MAP2: variants seen among roughly 807,000 people sequenced by gnomAD.
MAP2 encodes microtubule associated protein 2, also known as microtubule-associated protein 2.
MAP2 carries 14 observed loss-of-function variants against 137.6 expected under a neutral mutation model. The ratio of observed to expected loss-of-function variants is 0.10; its 90% CI spans 0.07 to 0.16. The LOEUF is 0.16. MAP2 is among the 10% of genes least tolerant of loss of function. The pLI is 1.00. For synonymous variants in MAP2, 786 were observed against 782.3 expected (o/e 1.00, Z -0.08); for missense variants, 2,088 against 2,191.5 (o/e 0.95, Z 0.94).
intron 1 of MAP2, among the ~76,000 whole-genome samples, chr2:209,504,175 C>T (rs1344242947): frequency 6.6e-6 from 1 of 150,870 alleles, no homozygotes; most frequent in East Asian, 1.9e-4. Flanking sequence ...AGGAGGAACA[C>T]TGGAAGAGGG....
intron 1 of MAP2, among the ~76,000 whole-genome samples, chr2:209,482,154 G>C (rs1183814759): frequency 4.6e-5 from 7 of 152,104 alleles, no homozygotes; most frequent in Non-Finnish European, 1.0e-4. Flanking sequence ...AGTATTATTT[G>C]TAGTTCTGTT....
chr2:209,695,131 A>G lies in MAP2; in HGVS notation c.2961A>G (p.Ile987Met). 1 of 1,614,228 alleles carries G rather than the reference A, an allele frequency of 6.2e-7. No homozygotes were observed. The highest frequency in any genetic ancestry group is 8.5e-7 in the Non-Finnish European group (1 of 1,180,034). ...AKKTEEAGDEIETFGLGVTYE... is the reference protein window; with the variant it reads ...AKKTEEAGDEMETFGLGVTYE... ...AAACTGAAGAGGCTGGTGATGAAAT[A>G]GAAACATTCGGATTAGGAGTAACCT... The change falls in exon 8 of 16, where the codon ATA (isoleucine) becomes ATG (methionine). Residue 987 changes from isoleucine to methionine, a missense_variant. By Grantham distance (10) the Ile-to-Met change is conservative. This residue lies in a region of MAP2 where 500 missense variants were observed against 482.9 expected (regional missense o/e 1.04). Transcript: ENST00000682079.
chr2:209,636,444 A>C (rs997529905), intron 4 of MAP2, among the ~76,000 whole-genome samples: 4 of 152,038 alleles, frequency 2.6e-5, no homozygotes, highest in Non-Finnish European at 4.4e-5. Context: ...CCTTTTTGGC[A>C]TGTGTTTACA....
At chr2:209,477,698 A>T (rs1264963679) in intron 1 of MAP2, among the ~76,000 whole-genome samples, 1 of 151,832 alleles carries the variant, frequency 6.6e-6, no homozygotes, top group Non-Finnish European at 1.5e-5. Context: ...GACAGTTCTG[A>T]TGTTGAAAAT....
chr2:209,445,051 G>T (rs1230587713), intron 1 of MAP2, among the ~76,000 whole-genome samples: 1 of 151,314 alleles, frequency 6.6e-6, no homozygotes, highest in African/African-American at 2.4e-5. Flanking sequence ...CTATTTAGTT[G>T]TAATTCTCTT....
intron 1 of MAP2, among the ~76,000 whole-genome samples, chr2:209,470,230 G>A (rs1006390850): frequency 3.9e-5 from 6 of 152,220 alleles, no homozygotes; most frequent in East Asian, 1.9e-4. Flanking sequence ...AATGCTATGC[G>A]GGAGAAGATC....
intron 1 of MAP2, among the ~76,000 whole-genome samples, chr2:209,425,128 A>T (rs1340571025): frequency 6.6e-6 from 1 of 152,036 alleles, no homozygotes; most frequent in Non-Finnish European, 1.5e-5. Flanking sequence ...GTATGGATGG[A>T]GTCAGAAAAA....
At chr2:209,675,753 C>A (rs977689245) in intron 5 of MAP2, among the ~76,000 whole-genome samples, 9 of 151,484 alleles carry the variant, frequency 5.9e-5, no homozygotes, top group African/African-American at 2.4e-5. Flanking sequence ...CTCATATAAC[C>A]AATGGATACT....
intron 1 of MAP2, among the ~76,000 whole-genome samples, chr2:209,451,057 C>T (rs59649490): frequency 0.095 from 14,366 of 151,996 alleles, 1,458 homozygotes; most frequent in African/African-American, 0.26. Flanking sequence ...ATCTGCTGGC[C>T]TGGTAACCTG....
intron 4 of MAP2, among the ~76,000 whole-genome samples, chr2:209,632,574 G>A (rs2093187094): frequency 6.6e-6 from 1 of 152,054 alleles, no homozygotes; most frequent in African/African-American, 2.4e-5. Context: ...CCAGTCCTGA[G>A]ACCACCAAAC....
intron 5 of MAP2, among the ~76,000 whole-genome samples, chr2:209,667,293 T>C (rs898245507): frequency 7.9e-5 from 12 of 152,180 alleles, no homozygotes; most frequent in African/African-American, 2.9e-4. Flanking sequence ...AACAAAGTTC[T>C]CTGGTTTCAT....
At chr2:209,673,074 C>T (rs1054657652) in intron 5 of MAP2, among the ~76,000 whole-genome samples, 24 of 151,918 alleles carry the variant, frequency 1.6e-4, no homozygotes, top group African/African-American at 5.5e-4. Context: ...ACAGATTTCA[C>T]TTTTTATCTT....
intron 3 of MAP2, among the ~76,000 whole-genome samples, chr2:209,587,681 A>T (rs1051128003): frequency 6.6e-6 from 1 of 152,162 alleles, no homozygotes; most frequent in Non-Finnish European, 1.5e-5. Context: ...CTAAGAAAAA[A>T]ATCAAATAAA....
chr2:209,674,050 T>C (rs762610890), intron 5 of MAP2, among the ~76,000 whole-genome samples: 5 of 151,742 alleles, frequency 3.3e-5, no homozygotes, highest in Admixed American at 6.6e-5. Context: ...AAACTGGGTG[T>C]GAAGCCAGAA....
intron 1 of MAP2, among the ~76,000 whole-genome samples, chr2:209,455,076 A>C (rs1701223533): frequency 6.6e-6 from 1 of 152,060 alleles, no homozygotes; most frequent in Non-Finnish European, 1.5e-5. Context: ...CATCATGAGG[A>C]CCTCACCCTG....
chr2:209,577,443 G>A (rs2075533845), intron 2 of MAP2, among the ~76,000 whole-genome samples: 1 of 151,864 alleles, frequency 6.6e-6, no homozygotes, highest in Admixed American at 6.6e-5. Flanking sequence ...CAAAAGCATT[G>A]AATCATATAA....
chr2:209,496,223 C>T (rs2059738549), intron 1 of MAP2, among the ~76,000 whole-genome samples: 1 of 152,146 alleles, frequency 6.6e-6, no homozygotes, highest in South Asian at 2.1e-4. Flanking sequence ...CCGTATACCA[C>T]ACTAAGTGCT....
chr2:209,671,592 T>G (rs185920605), intron 5 of MAP2, among the ~76,000 whole-genome samples: 1 of 152,016 alleles, frequency 6.6e-6, no homozygotes. Context: ...TTTTCCTTCT[T>G]CCACAAGCGT....
intron 1 of MAP2, among the ~76,000 whole-genome samples, chr2:209,445,744 A>G (rs1698894906): frequency 6.6e-6 from 1 of 151,708 alleles, no homozygotes; most frequent in African/African-American, 2.4e-5. Context: ...CAACACCCAC[A>G]TCTTCCAAGA....
Sources: allele counts gnomAD v4.1 joint callset (sites outside exome capture counted in the v4.1 genomes callset), GRCh38; gene constraint gnomAD v4.1.1; regional missense constraint gnomAD v4.1.1; transcripts MANE v1.5; gene names NCBI Gene and HGNC (gene_info 2026-07-23, HGNC 2026-07-21).